CNTNAP2: variants seen among roughly 807,000 people sequenced by gnomAD.
CNTNAP2 encodes contactin associated protein 2.
A neutral mutation model predicts 155.2 loss-of-function variants in CNTNAP2; 98 were observed. The observed-to-expected ratio is 0.63, with a 90% CI of 0.54 to 0.75. The LOEUF (loss-of-function observed/expected upper bound fraction) is 0.75. CNTNAP2 is among the 30% of genes least tolerant of loss of function. The pLI is 0.00. For synonymous variants in CNTNAP2, 651 were observed against 631.2 expected (o/e 1.03, Z -0.47); for missense variants, 1,727 against 1,688.1 (o/e 1.02, Z -0.40).
chr7:148,211,321 G>A (rs146138645), intron 18 of CNTNAP2, among the ~76,000 whole-genome samples: 99 of 152,294 alleles, frequency 6.5e-4, no homozygotes, highest in Non-Finnish European at 6.3e-4. Flanking sequence ...CGCATTGGGC[G>A]ACAGAAAGGA....
chr7:147,167,401 A>G lies in CNTNAP2; in HGVS notation c.1348+34892A>G, dbSNP rs1279496255. ...TCTGCCAAACGTTACTACAACTTTG[A>G]AAAGCCCTTCCTCTGGCTTGCTAGG... On this transcript the variant is annotated intron_variant, in intron 8 of 23. Coordinates refer to ENST00000361727, the MANE Select transcript of CNTNAP2 (RefSeq NM_014141.6). 4.6e-6 allele frequency: 6 copies of G among 1,303,360 alleles called. No individual in the cohort carries two copies. In the East Asian group the frequency reaches 1.4e-4, roughly 31 times the overall value. The allele number at this position is 1,303,360 out of a possible 1,614,324, so 80.7% of individuals were successfully genotyped here. A position where few individuals can be genotyped will look rare whatever the true frequency, so the allele number is the denominator to read the frequency against.
At chr7:146,504,397 CTA>C (rs1445780781) in intron 1 of CNTNAP2, among the ~76,000 whole-genome samples, 1 of 152,214 alleles carries the variant, frequency 6.6e-6, no homozygotes, top group Non-Finnish European at 1.5e-5. Flanking sequence ...TGCAAAGCTG[CTA>C]TGTTTTGTTG....
chr7:147,309,806 G>T (rs571433360), intron 9 of CNTNAP2, among the ~76,000 whole-genome samples: 2 of 152,116 alleles, frequency 1.3e-5, no homozygotes, highest in African/African-American at 2.4e-5. Flanking sequence ...TCTCATGGGG[G>T]TTTGATGTAC....
intron 20 of CNTNAP2, among the ~76,000 whole-genome samples, chr7:148,257,545 C>T (rs1241005139): frequency 1.3e-5 from 2 of 152,128 alleles, no homozygotes; most frequent in African/African-American, 4.8e-5. Context: ...TCATCTGCAC[C>T]CATGGCTGTT....
At chr7:146,620,590 A>T (rs1799300907) in intron 1 of CNTNAP2, among the ~76,000 whole-genome samples, 1 of 152,166 alleles carries the variant, frequency 6.6e-6, no homozygotes. Context: ...TGTTTTTTAG[A>T]TATATAACAC....
At chr7:147,998,330 C>G (rs747062593) in intron 15 of CNTNAP2, among the ~76,000 whole-genome samples, 7 of 151,992 alleles carry the variant, frequency 4.6e-5, no homozygotes, top group Non-Finnish European at 8.8e-5. Flanking sequence ...CCAGGCTGGT[C>G]TCGATCTCCT....
chr7:147,273,567 G>A (rs1292516419), intron 8 of CNTNAP2, among the ~76,000 whole-genome samples: 2 of 151,764 alleles, frequency 1.3e-5, no homozygotes, highest in Non-Finnish European at 2.9e-5. Context: ...ATGTTCATGT[G>A]TGTCTATTGT....
chr7:147,577,503 C>G (rs759227470), intron 12 of CNTNAP2, among the ~76,000 whole-genome samples: 1 of 151,848 alleles, frequency 6.6e-6, no homozygotes, highest in African/African-American at 2.4e-5. Flanking sequence ...TCACTCCTAT[C>G]TGTAGCCCCC....
At chr7:146,506,221 A>G (rs571061463) in intron 1 of CNTNAP2, among the ~76,000 whole-genome samples, 2 of 152,284 alleles carry the variant, frequency 1.3e-5, no homozygotes, top group African/African-American at 4.8e-5. Context: ...CAGCACATGC[A>G]TATGCCCCTG....
chr7:146,941,068 ACTT>A (rs1418795256), intron 3 of CNTNAP2, among the ~76,000 whole-genome samples: 2 of 152,022 alleles, frequency 1.3e-5, no homozygotes, highest in Non-Finnish European at 2.9e-5. Context: ...CCATTCAGCC[ACTT>A]CTTATCTTTT....
At chr7:146,903,109 T>C (rs1421563787) in intron 3 of CNTNAP2, among the ~76,000 whole-genome samples, 1 of 152,208 alleles carries the variant, frequency 6.6e-6, no homozygotes, top group Non-Finnish European at 1.5e-5. Flanking sequence ...CTGTGATCTA[T>C]GGGCTTGTAC....
rs537264428 is a variant in CNTNAP2, at chr7:148,192,508, C to G, written c.3010+20030C>G. ...CCCCTCCCTCAAAGCCAACTGATAA[C>G]GAAAAGAAAGAAATGGATGACCAAA... is the stretch of plus-strand genomic sequence containing the variant. On this transcript the variant is annotated intron_variant, in intron 18 of 23. Transcript: ENST00000361727. Among the ~76,000 whole-genome samples, 3 of 149,732 alleles carry G rather than the reference C, an allele frequency of 2.0e-5. No homozygotes were observed. The South Asian group carries it at 6.3e-4, about 31-fold the overall frequency.
chr7:146,663,294 A>AG (rs71165026), intron 1 of CNTNAP2, among the ~76,000 whole-genome samples: 49,028 of 101,164 alleles, frequency 0.48, 10,953 homozygotes, highest in South Asian at 0.62. Context: ...AAAAAAAAAA[A>AG]AAAAGAAAGA....
intron 15 of CNTNAP2, among the ~76,000 whole-genome samples, chr7:148,101,601 TG>T (rs1428395696): frequency 6.6e-6 from 1 of 152,216 alleles, no homozygotes; most frequent in East Asian, 1.9e-4. Flanking sequence ...TTGGTTCCCT[TG>T]GAATCCATTC....
chr7:147,771,872 A>G (rs781134458), intron 13 of CNTNAP2, among the ~76,000 whole-genome samples: 2 of 152,150 alleles, frequency 1.3e-5, no homozygotes, highest in Non-Finnish European at 2.9e-5. Context: ...TTATATCACA[A>G]TATTCTTCTG....
In CNTNAP2 at chr7:146,494,130, C is replaced by T. The variant is rs966428484; in HGVS notation, c.98-280141C>T. Among the ~76,000 whole-genome samples, 11 of 152,144 alleles carry T rather than the reference C, an allele frequency of 7.2e-5. No individual in the cohort carries two copies. The South Asian group carries it at 2.1e-3, about 29-fold the overall frequency. On this transcript the variant is annotated intron_variant, in intron 1 of 23. Coordinates refer to ENST00000361727, the MANE Select transcript of CNTNAP2 (RefSeq NM_014141.6). The stretch of plus-strand genomic sequence containing the variant: ...CGGGCGGATCACAAGGTCAGGAGAT[C>T]GAGACCATCCTGGCTAACACGGTGA...
At chr7:147,914,274 C>G (rs941581079) in intron 14 of CNTNAP2, among the ~76,000 whole-genome samples, 4 of 152,010 alleles carry the variant, frequency 2.6e-5, no homozygotes, top group Non-Finnish European at 5.9e-5. Flanking sequence ...GTCGTGGTGG[C>G]TCACGCCTGT....
chr7:147,026,557 T>C (rs1469261389), intron 3 of CNTNAP2, among the ~76,000 whole-genome samples: 2 of 152,044 alleles, frequency 1.3e-5, no homozygotes, highest in East Asian at 1.9e-4. Context: ...GAATACATCA[T>C]CTCAAATAAC....
intron 1 of CNTNAP2, among the ~76,000 whole-genome samples, chr7:146,756,004 T>C (rs535809017): frequency 6.6e-6 from 1 of 152,050 alleles, no homozygotes; most frequent in South Asian, 2.1e-4. Flanking sequence ...TTTCTAGGCT[T>C]CATTAGTTGA....
Sources: allele counts gnomAD v4.1 joint callset (sites outside exome capture counted in the v4.1 genomes callset), GRCh38; gene constraint gnomAD v4.1.1; transcripts MANE v1.5; gene names NCBI Gene and HGNC (gene_info 2026-07-23, HGNC 2026-07-21).